Variants in TBC1D17 observed in about 807,000 individuals in gnomAD.
TBC1D17 encodes the protein TBC1 domain family member 17.
TBC1D17 carries 69 observed loss-of-function variants against 78.8 expected under a neutral mutation model. The ratio of observed to expected loss-of-function variants is 0.88; its 90% CI spans 0.72 to 1.07. The LOEUF (loss-of-function observed/expected upper bound fraction) is 1.07. Among genes scored for constraint, TBC1D17 ranks in the 50% least tolerant of loss-of-function variants. The probability of loss-of-function intolerance (pLI) is 0.00; values close to 1 mark genes in which losing one functional copy is unlikely to be tolerated. For synonymous variants in TBC1D17, 456 were observed against 358.3 expected, an observed-to-expected ratio of 1.27 and a Z score of -3.08; for missense variants, 957 against 861.0, an observed-to-expected ratio of 1.11 and a Z score of -1.39.
chr19:49,884,643 T>C lies in TBC1D17; in HGVS notation c.1345-16T>C, dbSNP rs1164337986. On this transcript the variant is annotated splice_polypyrimidine_tract_variant and intron_variant, in intron 12 of 16. Coordinates refer to ENST00000221543, the MANE Select transcript of TBC1D17 (RefSeq NM_024682.3). ...CTCACGGGGTCTGCTCTTTCCCCCC[T>C]CCTTCCGTCCCACAGCAAGGGAACT... 1 of 1,613,840 alleles carries C rather than the reference T, an allele frequency of 6.2e-7. No homozygotes were observed. The highest frequency in any genetic ancestry group is 1.7e-5 in the Admixed American group (1 of 59,990).
In TBC1D17 at chr19:49,888,228, C is replaced by T; in HGVS notation, c.1660-3C>T. 1 of 1,579,256 alleles carries T rather than the reference C, an allele frequency of 6.3e-7. No individual in the cohort carries two copies. Among genetic ancestry groups the T allele is most frequent in the Non-Finnish European group, 8.6e-7 (1 of 1,163,278 alleles). On this transcript the variant is annotated splice_region_variant and splice_polypyrimidine_tract_variant and intron_variant, in intron 15 of 16. Coordinates refer to ENST00000221543, the MANE Select transcript of TBC1D17 (RefSeq NM_024682.3). Reference sequence around the variant, plus strand: ...CTGGCGCCTGACCCACCCCCTCCCGCAGCACATCAACGAGCTGACTATGAA... The same window carrying T: ...CTGGCGCCTGACCCACCCCCTCCCGTAGCACATCAACGAGCTGACTATGAA...
intron 9 of TBC1D17, among the ~76,000 whole-genome samples, chr19:49,883,331 C>T (rs754682372): frequency 1.3e-5 from 2 of 152,114 alleles, no homozygotes; most frequent in Non-Finnish European, 2.9e-5. Flanking sequence ...TAGGAGGGCC[C>T]GTCTCTCCTC....
rs773941249 is a variant in TBC1D17, at chr19:49,878,175, C to T, written c.54C>T (p.His18=). The change falls in exon 2 of 17, where the codon CAC becomes CAT. Residue 18 remains histidine (H), a synonymous_variant. Coordinates refer to ENST00000221543, the MANE Select transcript of TBC1D17 (RefSeq NM_024682.3). Reference sequence around the variant, plus strand: ...TTGAGAAGGGCGGAGTGTACCTGCACACCAGCGCTAAGAAGTATCAGGACC... The same window carrying T: ...TTGAGAAGGGCGGAGTGTACCTGCATACCAGCGCTAAGAAGTATCAGGACC... ...VVFEKGGVYL[H]TSAKKYQDRD... is the part of the protein sequence containing the mutation. 1.9e-6 allele frequency: 3 copies of T among 1,577,302 alleles called. No individual in the cohort carries two copies. Among genetic ancestry groups the T allele is most frequent in the South Asian group, 2.3e-5 (2 of 86,054 alleles).
At chr19:49,881,792 C>A (rs112178938) in intron 5 of TBC1D17, among the ~76,000 whole-genome samples, 2 of 152,318 alleles carry the variant, frequency 1.3e-5, no homozygotes, top group African/African-American at 4.8e-5. Flanking sequence ...AGAGCTGCTT[C>A]TCATTGGCTC....
Position 49,881,275 on chromosome 19 carries a change from G to T in TBC1D17, c.327G>T (p.Glu109Asp), listed in dbSNP as rs1049720378. 2.5e-6 allele frequency: 4 copies of T among 1,612,652 alleles called. No homozygotes were observed. The highest frequency in any genetic ancestry group is 2.5e-6 in the Non-Finnish European group (3 of 1,179,772). ...ACAGTGCCGTCTCCCTAGGTGCAGAGCCCAGCTGCCCCCAGGGCTCCTGGG... is the reference window on the plus strand; with the variant it reads ...ACAGTGCCGTCTCCCTAGGTGCAGATCCCAGCTGCCCCCAGGGCTCCTGGG... ...LCHSEPTRGAEPSCPQGSWAF... is the reference protein window; with the variant it reads ...LCHSEPTRGADPSCPQGSWAF... The change falls in exon 5 of 17, where the codon GAG becomes GAT. Residue 109 changes from glutamate (E) to aspartate (D), a missense_variant. Coordinates refer to ENST00000221543, the MANE Select transcript of TBC1D17 (RefSeq NM_024682.3).
intron 1 of TBC1D17, 129 bp from the exon 2 acceptor site, chr19:49,878,014 T>G: frequency 1.2e-6 from 1 of 822,546 alleles, no homozygotes; most frequent in African/African-American, 1.7e-5. Context: ...CTCCCCGCCT[T>G]GGTCCCGGGG....
chr19:49,881,117 G>T, intron 4 of TBC1D17, 151 bp from the exon 5 acceptor site: 1 of 651,264 alleles, frequency 1.5e-6, no homozygotes, highest in South Asian at 1.9e-5. Context: ...ACTCATTTGT[G>T]CTTCCAAGGA....
rs2075043360 is a variant in TBC1D17 at position 49,884,551 on chromosome 19, G to A, written c.1336G>A (p.Glu446Lys). Residue 446 changes from glutamate (E) to lysine (K), a missense_variant, in exon 12 of 17, where the codon GAG becomes AAG. By Grantham distance (56) the Glu-to-Lys change is moderately conservative (BLOSUM62 1). Coordinates refer to ENST00000221543, the MANE Select transcript of TBC1D17 (RefSeq NM_024682.3). ...DAFWCFCGFM[E>K]LVQGNFEESQ... Reference sequence around the variant, plus strand: ...TTTCTGGTGTTTCTGTGGCTTCATGGAGCTCGTGGTGAGGCTTGGGTCAGG... The same window carrying A: ...TTTCTGGTGTTTCTGTGGCTTCATGAAGCTCGTGGTGAGGCTTGGGTCAGG... 3.1e-6 allele frequency: 5 copies of A among 1,614,148 alleles called. No individual in the cohort carries two copies. Among genetic ancestry groups the A allele is most frequent in the Non-Finnish European group, 4.2e-6 (5 of 1,180,008 alleles).
At position 49,880,710 on chromosome 19, in the gene TBC1D17, G is replaced by C. The variant is rs115071395; in HGVS notation, c.319+308G>C. Among the ~76,000 whole-genome samples the C allele has an allele frequency of 3.8e-3, 573 of 152,308 alleles. 5 individuals are homozygous for C. The highest frequency in any genetic ancestry group is 0.013 in the African/African-American group (547 of 41,566). ...GTGGGGTGACAGATGCAGCCAGTTAGGGTGATTTGCACCATCCTGGGGTCA... is the reference window on the plus strand; with the variant it reads ...GTGGGGTGACAGATGCAGCCAGTTACGGTGATTTGCACCATCCTGGGGTCA... On this transcript the variant is annotated intron_variant, in intron 4 of 16. Transcript: ENST00000221543.
intron 2 of TBC1D17, 62 bp from the exon 3 acceptor site, chr19:49,878,436 C>A: frequency 6.6e-7 from 1 of 1,510,384 alleles, no homozygotes; most frequent in Non-Finnish European, 9.2e-7. Context: ...AAATTTGCAA[C>A]GGAAAGTTTT....
chr19:49,888,072 T>C, intron 15 of TBC1D17, 159 bp from the exon 16 acceptor site: 1 of 1,235,864 alleles, frequency 8.1e-7, no homozygotes, highest in Non-Finnish European at 1.1e-6. Flanking sequence ...CTCAGAATGC[T>C]CCCGGAGGCC....
At position 49,884,522 on chromosome 19, in the gene TBC1D17, A is replaced by G. The variant is rs1394998875; in HGVS notation, c.1307A>G (p.Asp436Gly). Reference sequence around the variant, plus strand: ...CTCTACGTCATTCAGAACGAGGTGGATGCTTTCTGGTGTTTCTGTGGCTTC... The same window carrying G: ...CTCTACGTCATTCAGAACGAGGTGGGTGCTTTCTGGTGTTTCTGTGGCTTC... Reference protein sequence around the residue: ...PILYVIQNEVDAFWCFCGFME... With the variant: ...PILYVIQNEVGAFWCFCGFME... Residue 436 changes from aspartate to glycine, a missense_variant, in exon 12 of 17, where the codon GAT (aspartate) becomes GGT (glycine). Transcript: ENST00000221543. 6.2e-7 allele frequency: 1 copy of G among 1,614,078 alleles called. No homozygotes were observed. Among genetic ancestry groups the G allele is most frequent in the East Asian group, 2.2e-5 (1 of 44,874 alleles).
At position 49,882,331 on chromosome 19, in the gene TBC1D17, G is replaced by A. The variant is rs767494903; in HGVS notation, c.729G>A (p.Glu243=). The A allele has an allele frequency of 2.5e-6, 4 of 1,611,246 alleles. No homozygotes were observed. The highest frequency in any genetic ancestry group is 1.7e-4 in the Middle Eastern group (1 of 6,060). The change falls in exon 7 of 17, where the codon GAG becomes GAA. Residue 243 remains glutamate (E), a synonymous_variant. Transcript: ENST00000221543. ...GGGGTGCCCTGCAGCCACAGCCTGA[G>A]GGAGCCGCCTCCGACCTTCCCCCGC... ...FFRGALQPQP[E]GAASDLPPPP... is the part of the protein sequence containing the mutation.
intron 10 of TBC1D17, 83 bp downstream of exon 10, chr19:49,883,828 G>A (rs1190520853): frequency 5.7e-6 from 7 of 1,237,744 alleles, no homozygotes; most frequent in Non-Finnish European, 8.3e-6. Flanking sequence ...GTGGGAGATA[G>A]AGGGAGCCCC....
At chr19:49,881,774 A>G (rs7248744) in intron 5 of TBC1D17, among the ~76,000 whole-genome samples, 70,546 of 151,972 alleles carry the variant, frequency 0.46, 17,023 homozygotes, top group South Asian at 0.6. Context: ...ACGTTCCAAC[A>G]AGATCCCAGA....
At position 49,888,453 on chromosome 19, in the gene TBC1D17, G is replaced by A. The variant is rs771488165; in HGVS notation, c.1776G>A (p.Leu592=). The A allele has an allele frequency of 1.9e-6, 3 of 1,598,790 alleles. No individual in the cohort carries two copies. The highest frequency in any genetic ancestry group is 2.7e-5 in the African/African-American group (2 of 74,348). The change falls in exon 17 of 17, where the codon CTG becomes CTA. Residue 592 remains leucine, a synonymous_variant. Transcript: ENST00000221543. ...TGCCCCACAACGTGCAGGAGATCCTGGGGCTGGCCCCGCCCGCAGAGCCCC... is the reference window on the plus strand; with the variant it reads ...TGCCCCACAACGTGCAGGAGATCCTAGGGCTGGCCCCGCCCGCAGAGCCCC... ...PELPHNVQEI[L]GLAPPAEPHS...
Position 49,887,084 on chromosome 19 carries a change from G to T in TBC1D17, c.1445-392G>T, listed in dbSNP as rs145566874. ...ACTCCTGACCTCAGGTGATCCACCC[G>T]CCTCACCCTCCCAAAGTGCTGGGGT... On this transcript the variant is annotated intron_variant, in intron 13 of 16. Transcript: ENST00000221543. 10 of 250,660 alleles carry T rather than the reference G, an allele frequency of 4.0e-5. 1 individual carries two copies. The highest frequency in any genetic ancestry group is 3.1e-4 in the Admixed American group (6 of 19,544). 15.5% of individuals were successfully genotyped at this position (250,660 alleles called of 1,614,324 possible). A position where few individuals can be genotyped will look rare whatever the true frequency, so the allele number is the denominator to read the frequency against.
rs754787319 is a variant in TBC1D17 at position 49,888,222 on chromosome 19, C to T, written c.1660-9C>T. Reference sequence around the variant, plus strand: ...TGCCGACTGGCGCCTGACCCACCCCCTCCCGCAGCACATCAACGAGCTGAC... The same window carrying T: ...TGCCGACTGGCGCCTGACCCACCCCTTCCCGCAGCACATCAACGAGCTGAC... On this transcript the variant is annotated splice_polypyrimidine_tract_variant and intron_variant, in intron 15 of 16. Coordinates refer to ENST00000221543, the MANE Select transcript of TBC1D17 (RefSeq NM_024682.3). 3 of 1,574,052 alleles carry T rather than the reference C, an allele frequency of 1.9e-6. No homozygotes were observed. Among genetic ancestry groups the T allele is most frequent in the Non-Finnish European group, 1.7e-6 (2 of 1,160,408 alleles).
Position 49,882,025 on chromosome 19 carries a change from A to ACCTCCCG in TBC1D17, c.528-9_528-3dup, listed in dbSNP as rs1568674547. On this transcript the variant is annotated splice_polypyrimidine_tract_variant and intron_variant, in intron 5 of 16. Coordinates refer to ENST00000221543, the MANE Select transcript of TBC1D17 (RefSeq NM_024682.3). ...CCTACCTGTGCATCACCTGTGCGTC[A>ACCTCCCG]CCTCCCGCCTCCCAGCTCCCCGCAG... is the stretch of plus-strand genomic sequence containing the variant. 1 of 1,605,900 alleles carries ACCTCCCG rather than the reference A, an allele frequency of 6.2e-7. No homozygotes were observed. Among genetic ancestry groups the ACCTCCCG allele is most frequent in the Non-Finnish European group, 8.5e-7 (1 of 1,174,184 alleles).
Sources: gnomAD v4.1 joint callset for allele counts (sites outside exome capture counted in the v4.1 genomes callset) on GRCh38, gnomAD v4.1.1 for gene constraint, MANE v1.5 for transcripts, NCBI Gene and HGNC (gene_info 2026-07-23, HGNC 2026-07-21) for gene names.